The following JAK2 variants were observed in gnomAD, a reference collection of about 807,000 sequenced individuals.
The protein encoded by JAK2 is tyrosine-protein kinase JAK2.
In JAK2, 86 loss-of-function variants were observed where a neutral mutation model predicts 139.3. The observed-to-expected ratio is 0.62, with a 90% CI of 0.52 to 0.74. The LOEUF is 0.74. Ranked by LOEUF, JAK2 falls within the 30% of genes least tolerant of loss-of-function variation. The pLI is 0.00. For synonymous variants in JAK2, 490 were observed against 437.7 expected, an observed-to-expected ratio of 1.12 and a Z score of -1.49; for missense variants, 1,421 against 1,360.3, an observed-to-expected ratio of 1.04 and a Z score of -0.70.
chr9:5,035,610 TA>T (rs1823527259), intron 4 of JAK2, among the ~76,000 whole-genome samples: 1 of 152,194 alleles, frequency 6.6e-6, no homozygotes, highest in Non-Finnish European at 1.5e-5. Context: ...ATCCAGCATA[TA>T]AACAGAACTA....
chr9:4,990,031 G>C (rs1362527647), intron 2 of JAK2, among the ~76,000 whole-genome samples: 2 of 152,182 alleles, frequency 1.3e-5, no homozygotes, highest in South Asian at 4.1e-4. Flanking sequence ...AAAGAGAATG[G>C]TAGAAAGAGG....
chr9:5,005,377 T>C (rs1260423353), intron 2 of JAK2, among the ~76,000 whole-genome samples: 2 of 152,122 alleles, frequency 1.3e-5, no homozygotes, highest in Non-Finnish European at 2.9e-5. Context: ...ATCATATGGA[T>C]GGCTTGAAAA....
At chr9:5,085,008 G>A (rs1423530652) in intron 19 of JAK2, 2 of 845,326 alleles carry the variant, frequency 2.4e-6, no homozygotes, top group African/African-American at 1.7e-5. Context: ...TTTATGTCTT[G>A]TGAGTACAAT....
chr9:5,042,760 G>A (rs376955655), intron 4 of JAK2, among the ~76,000 whole-genome samples: 1 of 152,214 alleles, frequency 6.6e-6, no homozygotes, highest in Non-Finnish European at 1.5e-5. Context: ...TGCCAGGGGT[G>A]AGGCTGTGCC....
At chr9:5,005,073 T>A (rs1821193233) in intron 2 of JAK2, among the ~76,000 whole-genome samples, 1 of 138,268 alleles carries the variant, frequency 7.2e-6, no homozygotes, top group Admixed American at 7.7e-5. Flanking sequence ...TGTGCCAGCA[T>A]GCCTGGCTAA....
At chr9:5,071,061 G>A (rs897667536) in intron 12 of JAK2, among the ~76,000 whole-genome samples, 1 of 152,156 alleles carries the variant, frequency 6.6e-6, no homozygotes, top group Non-Finnish European at 1.5e-5. Context: ...TGAGGAAAAG[G>A]AGTCTCTCCT....
At chr9:5,107,357 C>T (rs1822047665) in intron 22 of JAK2, among the ~76,000 whole-genome samples, 1 of 152,104 alleles carries the variant, frequency 6.6e-6, no homozygotes, top group African/African-American at 2.4e-5. Flanking sequence ...GACCCAATAA[C>T]CTCCAACTGC....
At chr9:5,034,509 G>A (rs564294767) in intron 4 of JAK2, among the ~76,000 whole-genome samples, 32 of 152,064 alleles carry the variant, frequency 2.1e-4, no homozygotes, top group African/African-American at 7.0e-4. Context: ...CTCAGCAAGT[G>A]TAAAAGAACA....
chr9:5,048,409 G>T (rs1434107098), intron 5 of JAK2, among the ~76,000 whole-genome samples: 5 of 152,100 alleles, frequency 3.3e-5, no homozygotes, highest in Admixed American at 3.3e-4. Context: ...CTAAAGTGCT[G>T]GGATTACAGG....
intron 5 of JAK2, among the ~76,000 whole-genome samples, chr9:5,046,120 A>G (rs1321690228): frequency 6.6e-6 from 1 of 152,144 alleles, no homozygotes; most frequent in African/African-American, 2.4e-5. Context: ...ATACTTCTCT[A>G]ACAACCAGTG....
intron 4 of JAK2, among the ~76,000 whole-genome samples, chr9:5,030,193 C>G (rs541459536): frequency 2.6e-5 from 4 of 152,230 alleles, no homozygotes; most frequent in East Asian, 1.9e-4. Flanking sequence ...CCTTTATTAA[C>G]AAAATCCTAA....
chr9:5,105,481 G>C (rs199964215), intron 22 of JAK2, among the ~76,000 whole-genome samples: 116 of 152,164 alleles, frequency 7.6e-4, no homozygotes, highest in Middle Eastern at 3.4e-3. Context: ...TGAAAATGGC[G>C]ATACTGCCCA....
At chr9:5,032,399 T>C (rs1473801944) in intron 4 of JAK2, among the ~76,000 whole-genome samples, 1 of 152,200 alleles carries the variant, frequency 6.6e-6, no homozygotes, top group Non-Finnish European at 1.5e-5. Context: ...TGAAGAGTAG[T>C]GGTTCTCCCA....
chr9:5,003,661 T>C (rs1391478606), intron 2 of JAK2, among the ~76,000 whole-genome samples: 1 of 152,070 alleles, frequency 6.6e-6, no homozygotes, highest in Middle Eastern at 3.2e-3. Context: ...TACTGACAAT[T>C]TTACTTATCC....
At chr9:4,993,485 T>C (rs1820380366) in intron 2 of JAK2, among the ~76,000 whole-genome samples, 1 of 152,248 alleles carries the variant, frequency 6.6e-6, no homozygotes, top group African/African-American at 2.4e-5. Context: ...GCCAAATTGC[T>C]TTAACTTCCT....
At chr9:5,007,720 A>G (rs1448092839) in intron 2 of JAK2, among the ~76,000 whole-genome samples, 1 of 148,160 alleles carries the variant, frequency 6.7e-6, no homozygotes, top group African/African-American at 2.6e-5. Context: ...TTATTATTAT[A>G]TTGTCTTTTT....
At chr9:5,045,501 C>G (rs990475960) in intron 5 of JAK2, among the ~76,000 whole-genome samples, 3 of 152,156 alleles carry the variant, frequency 2.0e-5, no homozygotes, top group Non-Finnish European at 4.4e-5. Context: ...CAACCATCAC[C>G]ACCATCCATC....
chr9:4,987,006 C>G (rs1273364819), intron 2 of JAK2, among the ~76,000 whole-genome samples: 1 of 152,184 alleles, frequency 6.6e-6, no homozygotes, highest in East Asian at 1.9e-4. Flanking sequence ...TTTGGCCTCC[C>G]TTCCCCCATC....
chr9:5,076,492 T>C (rs910759648), intron 14 of JAK2, among the ~76,000 whole-genome samples: 2 of 152,186 alleles, frequency 1.3e-5, no homozygotes, highest in Non-Finnish European at 2.9e-5. Context: ...AGCACCTTTT[T>C]TGGCAATAAA....
Sources: allele counts gnomAD v4.1 joint callset (sites outside exome capture counted in the v4.1 genomes callset), GRCh38; gene constraint gnomAD v4.1.1; transcripts MANE v1.5; gene names NCBI Gene and HGNC (gene_info 2026-07-23, HGNC 2026-07-21).